ZFX: variants seen among roughly 807,000 people sequenced by gnomAD.
ZFX encodes zinc finger X-chromosomal protein.
For synonymous variants in ZFX, 196 were observed against 226.8 expected, an observed-to-expected ratio of 0.86 and a Z score of 1.22; for missense variants, 362 against 628.3, an observed-to-expected ratio of 0.58 and a Z score of 4.53.
At chrX:24,189,196 T>C (rs1331974721) in intron 5 of ZFX, among the ~76,000 whole-genome samples, 2 of 112,043 alleles carry the variant, frequency 1.8e-5, no homozygotes, top group Non-Finnish European at 3.8e-5. Context: ...ATGTAGGAAG[T>C]AGAATTTGGA....
At chrX:24,168,671 C>CTTTTTTT (rs141296315) in intron 3 of ZFX, among the ~76,000 whole-genome samples, 7 of 83,247 alleles carry the variant, frequency 8.4e-5, no homozygotes, top group East Asian at 3.8e-4. Context: ...TTCTTTCTTT[C>CTTTTTTT]TTTTTTTTTT....
intron 3 of ZFX, among the ~76,000 whole-genome samples, chrX:24,161,376 T>G (rs1933287554): frequency 8.9e-6 from 1 of 112,396 alleles, no homozygotes; most frequent in Non-Finnish European, 1.9e-5. Context: ...CTGCTGCTTT[T>G]TTTTCTTTTG....
intron 3 of ZFX, among the ~76,000 whole-genome samples, chrX:24,168,599 T>G (rs1197705499): frequency 9.1e-6 from 1 of 110,204 alleles, no homozygotes; most frequent in Non-Finnish European, 1.9e-5. Context: ...TGGAAGGACA[T>G]TTTTGTGAAT....
intron 3 of ZFX, among the ~76,000 whole-genome samples, chrX:24,163,286 A>T (rs1601817772): frequency 1.4e-5 from 1 of 72,050 alleles, no homozygotes; most frequent in African/African-American, 5.5e-5. Flanking sequence ...TTTTTACATG[A>T]CGGATCATAT....
intron 5 of ZFX, among the ~76,000 whole-genome samples, chrX:24,183,221 GT>G (rs1374164151): frequency 6.3e-5 from 7 of 111,932 alleles, no homozygotes; most frequent in Non-Finnish European, 5.6e-5. Flanking sequence ...GTCTCACTCT[GT>G]TGCCCAGGCT....
At chrX:24,165,131 C>CT (rs55643520) in intron 3 of ZFX, among the ~76,000 whole-genome samples, 49,764 of 109,322 alleles carry the variant, frequency 0.46, 8,485 homozygotes, top group South Asian at 0.77. Flanking sequence ...TCTTTTCTTT[C>CT]TTTTTTTTGA....
chrX:24,164,452 G>A (rs1437512482), intron 3 of ZFX, among the ~76,000 whole-genome samples: 2 of 111,696 alleles, frequency 1.8e-5, no homozygotes, highest in Non-Finnish European at 3.8e-5. Flanking sequence ...AGAGAATACT[G>A]TAAGTGTTAA....
At chrX:24,177,641 T>C (rs1445530803) in intron 4 of ZFX, 2 of 724,282 alleles carry the variant, frequency 2.8e-6, no homozygotes, top group Middle Eastern at 8.0e-4. Flanking sequence ...CTGTGGTCTT[T>C]AGTCCCTCTT....
rs762155047 is a variant in ZFX at position 24,151,688 on chromosome X, C to T, written c.-249-3C>T. ...TATTTACTTATTTTTTATTTTGAGA[C>T]AGGTTCTTGCTATATTGCCCCAGGC... On this transcript the variant is annotated splice_polypyrimidine_tract_variant and splice_region_variant and intron_variant, in intron 1 of 9. Coordinates refer to ENST00000304543, the MANE Select transcript of ZFX (RefSeq NM_003410.4). 4.5e-5 allele frequency: 5 copies of T among 111,264 alleles called. No homozygotes were observed. The highest frequency in any genetic ancestry group is 9.4e-5 in the Non-Finnish European group (5 of 53,052). The allele number at this position is 111,264 out of a possible 1,213,427, so 9.2% of individuals were successfully genotyped here. A position where few individuals can be genotyped will look rare whatever the true frequency, so the allele number is the denominator to read the frequency against.
At position 24,152,181 on chromosome X, in the gene ZFX, G is replaced by T. The variant is rs766639548; in HGVS notation, c.-140+381G>T. Among the ~76,000 whole-genome samples the T allele has an allele frequency of 1.1e-3, 125 of 108,853 alleles. 1 individual carries two copies. Among genetic ancestry groups the T allele is most frequent in the African/African-American group, 4.1e-3 (122 of 29,824 alleles). The allele number at this position is 108,853 out of a possible 115,157, so 94.5% of individuals were successfully genotyped here. The stretch of plus-strand genomic sequence containing the variant: ...GACTGAATCTCACTCTGTCGCCCAG[G>T]CTGGAGTGCAGTGGTGTGATCTTGG... On this transcript the variant is annotated intron_variant, in intron 2 of 9. Transcript: ENST00000304543.
rs750895601 is a variant in ZFX at position 24,184,991 on chromosome X, C to T, written c.646+5221C>T. Among the ~76,000 whole-genome samples the T allele has an allele frequency of 3.6e-5, 4 of 112,131 alleles. No individual in the cohort carries two copies. In the South Asian group the frequency reaches 1.5e-3, roughly 41 times the overall value. On this transcript the variant is annotated intron_variant, in intron 5 of 9. Coordinates refer to ENST00000304543, the MANE Select transcript of ZFX (RefSeq NM_003410.4). ...TTTGAGATGAAGTCTCGCTCCCTTA[C>T]CCAGGCTGGGAGTGCAGTGGTGCCA...
rs1405964354 is a variant in ZFX, at chrX:24,210,478, A to C, written c.1520A>C (p.Lys507Thr). Residue 507 changes from lysine (K) to threonine (T), a missense_variant, in exon 10 of 10, where the codon AAA becomes ACA. By Grantham distance (78) the Lys-to-Thr change is moderately conservative. Coordinates refer to ENST00000304543, the MANE Select transcript of ZFX (RefSeq NM_003410.4). Reference protein sequence around the residue: ...FSHAGALFTHKMVHKEKGANK... With the variant: ...FSHAGALFTHTMVHKEKGANK... ...CATGCAGGGGCTTTGTTTACTCACA[A>C]AATGGTGCATAAGGAAAAAGGAGCC... 1 of 1,210,286 alleles carries C rather than the reference A, an allele frequency of 8.3e-7. No individual in the cohort carries two copies. The highest frequency in any genetic ancestry group is 1.1e-6 in the Non-Finnish European group (1 of 895,389).
At chrX:24,170,184 C>A in intron 3 of ZFX, among the ~76,000 whole-genome samples, 1 of 100,159 alleles carries the variant, frequency 1.0e-5, no homozygotes, top group Non-Finnish European at 2.0e-5. Context: ...GAGACAGAGT[C>A]TCGCTCTGTT....
rs548406901 is a variant in ZFX, at chrX:24,171,160, A to C, written c.-28-1555A>C. 2.5e-4 allele frequency among the ~76,000 whole-genome samples: 28 copies of C among 111,972 alleles called. 1 individual carries two copies. In the East Asian group the frequency reaches 7.5e-3, roughly 30 times the overall value. ...AATCATAATATGACAAACCAGTACA[A>C]TAAGAGAAGAATAGAGTGCTGTGGA... On this transcript the variant is annotated intron_variant, in intron 3 of 9. Transcript: ENST00000304543.
At chrX:24,198,169 T>A (rs1937043136) in intron 5 of ZFX, among the ~76,000 whole-genome samples, 3 of 112,245 alleles carry the variant, frequency 2.7e-5, no homozygotes, top group Admixed American at 1.9e-4. Flanking sequence ...ATTTGTGTAT[T>A]ATAGGCAAAA....
At chrX:24,171,904 AGGAGAGAGAGAGAGAGAG>A (rs1463413596) in intron 3 of ZFX, among the ~76,000 whole-genome samples, 2 of 97,323 alleles carry the variant, frequency 2.1e-5, no homozygotes, top group South Asian at 4.4e-4. Flanking sequence ...CAGAGAGAGA[AGGAGAGAGAGAGAGAGAG>A]AGAGAGAGAG....
chrX:24,207,993 A>G (rs186604571), intron 7 of ZFX, 138 bp downstream of exon 7: 1 of 917,230 alleles, frequency 1.1e-6, no homozygotes, highest in Admixed American at 3.2e-5. Flanking sequence ...ACTCTTTTAT[A>G]TATGCTTATG....
chrX:24,177,707 T>C (rs1935276754), intron 4 of ZFX: 1 of 751,641 alleles, frequency 1.3e-6, no homozygotes, highest in Admixed American at 9.0e-5. Context: ...TTTCTAAATT[T>C]CTATAGCCAT....
chrX:24,189,293 T>G (rs1196522614), intron 5 of ZFX, among the ~76,000 whole-genome samples: 1 of 111,898 alleles, frequency 8.9e-6, no homozygotes, highest in Non-Finnish European at 1.9e-5. Flanking sequence ...GCAAAACTGT[T>G]ACTAGAAGAG....
Sources: gnomAD v4.1 joint callset for allele counts (sites outside exome capture counted in the v4.1 genomes callset) on GRCh38, gnomAD v4.1.1 for gene constraint, MANE v1.5 for transcripts, NCBI Gene and HGNC (gene_info 2026-07-23, HGNC 2026-07-21) for gene names.